SPMAP2L: variants seen among roughly 807,000 people sequenced by gnomAD.
SPMAP2L encodes sperm microtubule associated protein 2 like, also known as sperm microtubule associated protein 2-like.
the SPMAP2L span, chr4:56,531,173 G>A: frequency 3.9e-6 from 6 of 1,523,420 alleles, no homozygotes; most frequent in Admixed American, 2.0e-5. Context: ...CTGGGTGGTA[G>A]GTGTTCCCCT....
the SPMAP2L span, among the ~76,000 whole-genome samples, chr4:56,618,223 C>A: frequency 6.6e-6 from 1 of 152,170 alleles, no homozygotes; most frequent in South Asian, 2.1e-4. Context: ...CTCTTCCCTT[C>A]CCAGCACTCC....
At chr4:56,585,805 G>T in the SPMAP2L span, among the ~76,000 whole-genome samples, 1 of 152,122 alleles carries the variant, frequency 6.6e-6, no homozygotes, top group African/African-American at 2.4e-5. Context: ...TTTTGCCACT[G>T]CACGCCATGG....
At chr4:56,560,164 A>G in the SPMAP2L span, among the ~76,000 whole-genome samples, 1 of 152,218 alleles carries the variant, frequency 6.6e-6, no homozygotes, top group Admixed American at 6.5e-5. Context: ...TACAGAAGCC[A>G]TTATTTTTTC....
the SPMAP2L span, chr4:56,603,259 C>G: frequency 6.5e-7 from 1 of 1,534,950 alleles, no homozygotes; most frequent in East Asian, 2.4e-5. Flanking sequence ...AAAACCAAGC[C>G]AGCTGCTTTG....
the SPMAP2L span, among the ~76,000 whole-genome samples, chr4:56,538,400 G>A: frequency 0.19 from 29,318 of 152,096 alleles, 3,007 homozygotes; most frequent in Admixed American, 0.29. Context: ...TTTTTAAGAG[G>A]TGGGAAAGCT....
At chr4:56,613,362 T>G in the SPMAP2L span, among the ~76,000 whole-genome samples, 2 of 152,068 alleles carry the variant, frequency 1.3e-5, no homozygotes, top group African/African-American at 4.8e-5. Context: ...TGGGTAGGAT[T>G]GCAAGACAGG....
the SPMAP2L span, among the ~76,000 whole-genome samples, chr4:56,549,082 G>A: frequency 4.0e-5 from 6 of 149,684 alleles, no homozygotes; most frequent in African/African-American, 9.9e-5. Flanking sequence ...TCTGCCTCCC[G>A]GGTTCAAGTG....
the SPMAP2L span, among the ~76,000 whole-genome samples, chr4:56,547,546 G>A: frequency 6.6e-6 from 1 of 152,072 alleles, no homozygotes; most frequent in African/African-American, 2.4e-5. Flanking sequence ...GCACGAGGCT[G>A]TTTATCAGTA....
At chr4:56,563,611 A>G in the SPMAP2L span, among the ~76,000 whole-genome samples, 7 of 152,178 alleles carry the variant, frequency 4.6e-5, no homozygotes, top group Non-Finnish European at 8.8e-5. Flanking sequence ...ATAAAATACC[A>G]GTTTAAGGTG....
the SPMAP2L span, among the ~76,000 whole-genome samples, chr4:56,559,069 G>A: frequency 1.3e-5 from 2 of 151,890 alleles, no homozygotes; most frequent in Non-Finnish European, 2.9e-5. Context: ...AAGTAGCTGG[G>A]ATTATAGGCA....
the SPMAP2L span, among the ~76,000 whole-genome samples, chr4:56,616,297 C>A: frequency 6.6e-6 from 1 of 152,182 alleles, no homozygotes; most frequent in Non-Finnish European, 1.5e-5. Context: ...TAAAGGACAT[C>A]AATCATATTG....
chr4:56,574,545 G>A, the SPMAP2L span, among the ~76,000 whole-genome samples: 1 of 152,082 alleles, frequency 6.6e-6, no homozygotes, highest in African/African-American at 2.4e-5. Context: ...CCTAAACTCA[G>A]TTATCTAGCA....
At chr4:56,613,868 T>C in the SPMAP2L span, among the ~76,000 whole-genome samples, 1 of 152,220 alleles carries the variant, frequency 6.6e-6, no homozygotes, top group African/African-American at 2.4e-5. Context: ...GATCTGTGTA[T>C]TTGGATAAAT....
At chr4:56,625,941 C>G in the SPMAP2L span, among the ~76,000 whole-genome samples, 1 of 152,194 alleles carries the variant, frequency 6.6e-6, no homozygotes, top group Non-Finnish European at 1.5e-5. Context: ...CTCCAAGAAG[C>G]TTTCAAGAAA....
chr4:56,601,414 TTG>T, the SPMAP2L span, among the ~76,000 whole-genome samples: 1 of 151,806 alleles, frequency 6.6e-6, no homozygotes, highest in Admixed American at 6.6e-5. Context: ...AGGCTAGGAG[TTG>T]GAGACCACCC....
At chr4:56,605,012 G>T in the SPMAP2L span, among the ~76,000 whole-genome samples, 1 of 152,304 alleles carries the variant, frequency 6.6e-6, no homozygotes, top group East Asian at 1.9e-4. Flanking sequence ...GGGAAGGCTG[G>T]TAGGGGGGTG....
the SPMAP2L span, chr4:56,595,306 A>C: frequency 2.7e-5 from 43 of 1,612,366 alleles, no homozygotes; most frequent in South Asian, 4.6e-4. Flanking sequence ...TGTGGCCAAG[A>C]GACTCCAGGA....
the SPMAP2L span, among the ~76,000 whole-genome samples, chr4:56,534,665 G>T: frequency 1.3e-5 from 2 of 152,128 alleles, no homozygotes; most frequent in Admixed American, 6.5e-5. Flanking sequence ...AGTGGCTTAC[G>T]CCTGTAATCC....
At chr4:56,548,664 T>C in the SPMAP2L span, 1 of 511,234 alleles carries the variant, frequency 2.0e-6, no homozygotes. Context: ...TATGATATAT[T>C]TCAGTTGGCC....
Sources: allele counts gnomAD v4.1 joint callset (sites outside exome capture counted in the v4.1 genomes callset), GRCh38; gene constraint gnomAD v4.1.1; transcripts MANE v1.5; gene names NCBI Gene and HGNC (gene_info 2026-07-23, HGNC 2026-07-21).